The following KCNK9 variants were observed in gnomAD, a reference collection of about 807,000 sequenced individuals.
KCNK9 encodes potassium channel subfamily K member 9.
In KCNK9, 1 loss-of-function variant was observed where a neutral mutation model predicts 10.8. That is an observed-to-expected ratio of 0.09 (90% CI 0.03 to 0.44). KCNK9 has a LOEUF of 0.44. Ranked by LOEUF, KCNK9 falls within the 20% of genes least tolerant of loss-of-function variation. The probability of loss-of-function intolerance (pLI) is 0.97; values close to 1 mark genes in which losing one functional copy is unlikely to be tolerated. For synonymous variants in KCNK9, 231 were observed against 222.7 expected (o/e 1.04, Z -0.33); for missense variants, 303 against 515.0 (o/e 0.59, Z 3.98).
At chr8:139,641,576 G>A (rs1280586794) in intron 1 of KCNK9, among the ~76,000 whole-genome samples, 2 of 152,150 alleles carry the variant, frequency 1.3e-5, no homozygotes, top group Admixed American at 1.3e-4. Context: ...TGTGGCACAC[G>A]GTGGGCCTCT....
chr8:139,664,435 C>T (rs984251428), intron 1 of KCNK9, among the ~76,000 whole-genome samples: 1 of 151,280 alleles, frequency 6.6e-6, no homozygotes, highest in South Asian at 2.1e-4. Context: ...AGCCTCTAGG[C>T]CTTAACATAT....
At chr8:139,619,799 A>G (rs138904265) in intron 1 of KCNK9, among the ~76,000 whole-genome samples, 3 of 152,346 alleles carry the variant, frequency 2.0e-5, no homozygotes, top group Admixed American at 6.5e-5. Context: ...TTGTAGAGTG[A>G]GATGTAAATG....
intron 1 of KCNK9, among the ~76,000 whole-genome samples, chr8:139,671,715 G>GT (rs1320975222): frequency 6.6e-6 from 1 of 152,048 alleles, no homozygotes; most frequent in East Asian, 1.9e-4. Flanking sequence ...GAATGTAATT[G>GT]TTTTTTGTAT....
At chr8:139,647,715 G>T (rs1815734023) in intron 1 of KCNK9, among the ~76,000 whole-genome samples, 1 of 152,104 alleles carries the variant, frequency 6.6e-6, no homozygotes, top group African/African-American at 2.4e-5. Context: ...CATCGTAAGG[G>T]CTTTGGCTTT....
At chr8:139,649,480 C>T (rs572865936) in intron 1 of KCNK9, among the ~76,000 whole-genome samples, 2 of 152,310 alleles carry the variant, frequency 1.3e-5, no homozygotes, top group South Asian at 2.1e-4. Context: ...ACATGCTGCC[C>T]CTCACTGGGT....
At chr8:139,649,422 T>C (rs1279167353) in intron 1 of KCNK9, among the ~76,000 whole-genome samples, 2 of 152,152 alleles carry the variant, frequency 1.3e-5, no homozygotes, top group Non-Finnish European at 2.9e-5. Flanking sequence ...CTTAGCAAAA[T>C]CAGAATCATC....
chr8:139,664,157 G>A (rs980407310), intron 1 of KCNK9, among the ~76,000 whole-genome samples: 2 of 152,326 alleles, frequency 1.3e-5, no homozygotes, highest in South Asian at 4.1e-4. Context: ...GCAGAACCAG[G>A]GCTGTGATGT....
At chr8:139,684,301 G>C (rs1364477815) in intron 1 of KCNK9, among the ~76,000 whole-genome samples, 2 of 152,196 alleles carry the variant, frequency 1.3e-5, no homozygotes, top group Non-Finnish European at 2.9e-5. Flanking sequence ...ATTTCTGATA[G>C]CAGTTATAAC....
downstream of KCNK9, chr8:139,617,009 T>TGAGA (rs1039103123): frequency 1.3e-5 from 2 of 152,166 alleles, no homozygotes. Flanking sequence ...AATTTTCCCC[T>TGAGA]GAGATTGGCA....
chr8:139,604,998 G>C (rs1817454360), intron 2 of KCNK9, among the ~76,000 whole-genome samples: 1 of 152,236 alleles, frequency 6.6e-6, no homozygotes, highest in Non-Finnish European at 1.5e-5. Flanking sequence ...CCTGGATCCA[G>C]ACTAAGGGCA....
intron 1 of KCNK9, among the ~76,000 whole-genome samples, chr8:139,660,964 C>A (rs905344021): frequency 1.3e-5 from 2 of 152,166 alleles, no homozygotes; most frequent in African/African-American, 4.8e-5. Context: ...TTGTGACAGG[C>A]ACCAGCACCT....
At chr8:139,700,544 G>GCA (rs145303403) in intron 1 of KCNK9, among the ~76,000 whole-genome samples, 1,561 of 142,630 alleles carry the variant, frequency 0.011, 24 homozygotes, top group South Asian at 0.039. Flanking sequence ...ACACACGCGC[G>GCA]CACACACACA....
intron 1 of KCNK9, among the ~76,000 whole-genome samples, chr8:139,682,144 C>T (rs1563749754): frequency 6.6e-6 from 1 of 152,238 alleles, no homozygotes; most frequent in Non-Finnish European, 1.5e-5. Context: ...AAACACCTGC[C>T]ATTCAGATTC....
rs1177583694 is a variant in KCNK9 at position 139,678,427 on chromosome 8, A to T, written c.283+24283T>A. On this transcript the variant is annotated intron_variant, in intron 1 of 1. Transcript: ENST00000520439. ...CTCTTAGGAAGCCCCACTCCTGCTC[A>T]GGGCAAGGTGCATCTGGCTCTTGGT... Among the ~76,000 whole-genome samples, 3 of 152,318 alleles carry T rather than the reference A, an allele frequency of 2.0e-5. No individual in the cohort carries two copies. In the East Asian group the frequency reaches 5.8e-4, roughly 29 times the overall value.
chr8:139,625,417 G>A (rs1453965526), intron 1 of KCNK9, among the ~76,000 whole-genome samples: 1 of 152,228 alleles, frequency 6.6e-6, no homozygotes, highest in Non-Finnish European at 1.5e-5. Context: ...GAGCTCCCGA[G>A]GAGAGCAGAG....
chr8:139,656,944 C>A (rs1337714793), intron 1 of KCNK9, among the ~76,000 whole-genome samples: 1 of 152,218 alleles, frequency 6.6e-6, no homozygotes, highest in African/African-American at 2.4e-5. Flanking sequence ...CTCAGCCCTC[C>A]CCAGTGCAGC....
At chr8:139,688,589 CAACTTGAG>C (rs1367213902) in intron 1 of KCNK9, among the ~76,000 whole-genome samples, 1 of 52,858 alleles carries the variant, frequency 1.9e-5, no homozygotes, top group Non-Finnish European at 6.5e-5. Flanking sequence ...GTGGGGATTA[CAACTTGAG>C]ATGAAATTTG....
intron 1 of KCNK9, among the ~76,000 whole-genome samples, chr8:139,626,237 C>T (rs1475086209): frequency 1.3e-5 from 2 of 152,236 alleles, no homozygotes; most frequent in African/African-American, 4.8e-5. Flanking sequence ...GGTACATCCA[C>T]ACCTGACCAT....
intron 1 of KCNK9, among the ~76,000 whole-genome samples, chr8:139,679,875 G>A (rs1314586270): frequency 1.3e-5 from 2 of 152,184 alleles, no homozygotes; most frequent in Admixed American, 1.3e-4. Context: ...ACTCCACTCT[G>A]TCCTGCAGCC....
Sources: allele counts gnomAD v4.1 joint callset (sites outside exome capture counted in the v4.1 genomes callset), GRCh38; gene constraint gnomAD v4.1.1; transcripts MANE v1.5; gene names NCBI Gene and HGNC (gene_info 2026-07-23, HGNC 2026-07-21).